SPIN1: variants seen among roughly 807,000 people sequenced by gnomAD.
The protein encoded by SPIN1 is spindlin-1.
Under a neutral mutation model 26.0 loss-of-function variants are expected in SPIN1, and 3 were observed. The ratio of observed to expected loss-of-function variants is 0.12; its 90% confidence interval spans 0.05 to 0.30. The LOEUF (loss-of-function observed/expected upper bound fraction) is 0.30, where lower values mean the gene tolerates loss of function less well. Ranked by LOEUF, SPIN1 falls within the 10% of genes least tolerant of loss-of-function variation. The probability of loss-of-function intolerance (pLI) is 1.00; values close to 1 mark genes in which losing one functional copy is unlikely to be tolerated. For missense variants in SPIN1, 126 were observed against 333.4 expected (o/e 0.38, Z 4.84); for synonymous variants, 101 against 116.5 (o/e 0.87, Z 0.86).
intron 2 of SPIN1, among the ~76,000 whole-genome samples, chr9:88,447,301 T>A (rs1238946861): frequency 1.3e-5 from 2 of 152,268 alleles, no homozygotes; most frequent in African/African-American, 4.8e-5. Flanking sequence ...TATTTATTAA[T>A]GTTGTCAATG....
intron 2 of SPIN1, among the ~76,000 whole-genome samples, chr9:88,435,672 A>G (rs1827985404): frequency 6.6e-6 from 1 of 152,058 alleles, no homozygotes; most frequent in Non-Finnish European, 1.5e-5. Flanking sequence ...TATTACTTGC[A>G]TAAGGTTTTT....
intron 3 of SPIN1, among the ~76,000 whole-genome samples, chr9:88,450,215 C>T (rs995229836): frequency 6.6e-6 from 1 of 151,900 alleles, no homozygotes; most frequent in Non-Finnish European, 1.5e-5. Flanking sequence ...TGTGTCTTGC[C>T]ACAAATAAAA....
intron 2 of SPIN1, among the ~76,000 whole-genome samples, chr9:88,430,734 T>G (rs1827851421): frequency 6.6e-6 from 1 of 152,244 alleles, no homozygotes; most frequent in African/African-American, 2.4e-5. Context: ...AACTGGTTGC[T>G]AAGTAGCAGT....
At position 88,478,648 on chromosome 9, in the gene SPIN1, ACT is replaced by A. The variant is rs1260611830; in HGVS notation, c.*3374_*3375del. On this transcript the variant is annotated 3_prime_UTR_variant, in exon 6 of 6. Coordinates refer to ENST00000375859, the MANE Select transcript of SPIN1 (RefSeq NM_006717.3). ...AAGTAATTTTTATAATTATGATGTA[ACT>A]CTATCTTATCCTTAAAACATTTAAA... The A allele has an allele frequency of 6.6e-6, 1 of 152,166 alleles. No homozygotes were observed. Among genetic ancestry groups the A allele is most frequent in the African/African-American group, 2.4e-5 (1 of 41,436 alleles). The allele number at this position is 152,166 out of a possible 1,614,324, so 9.4% of individuals were successfully genotyped here. A position where few individuals can be genotyped will look rare whatever the true frequency, so the allele number is the denominator to read the frequency against.
At chr9:88,454,940 G>A (rs1828440481) in intron 3 of SPIN1, among the ~76,000 whole-genome samples, 2 of 152,250 alleles carry the variant, frequency 1.3e-5, no homozygotes, top group South Asian at 2.1e-4. Flanking sequence ...GAAAATTACC[G>A]TTGTTTCCTT....
At chr9:88,453,715 G>A (rs1430833156) in intron 3 of SPIN1, among the ~76,000 whole-genome samples, 6 of 152,044 alleles carry the variant, frequency 3.9e-5, no homozygotes, top group Admixed American at 2.6e-4. Flanking sequence ...TGGTAGAGAC[G>A]GGGTTTCTCC....
At chr9:88,469,330 C>CA (rs1452384096) in intron 5 of SPIN1, among the ~76,000 whole-genome samples, 1 of 152,172 alleles carries the variant, frequency 6.6e-6, no homozygotes, top group Non-Finnish European at 1.5e-5. Flanking sequence ...GTGTCTGGGA[C>CA]TCCTGATTTA....
chr9:88,400,295 G>A (rs367982611), intron 1 of SPIN1, among the ~76,000 whole-genome samples: 5 of 152,186 alleles, frequency 3.3e-5, no homozygotes, highest in South Asian at 4.1e-4. Context: ...GAGCCTGGAG[G>A]AGTATTTGAT....
intron 1 of SPIN1, chr9:88,391,663 T>C (rs1169058969): frequency 6.6e-6 from 1 of 152,178 alleles, no homozygotes; most frequent in Non-Finnish European, 1.5e-5. Context: ...ATGAATCTTC[T>C]GGTAGAAGGG....
intron 2 of SPIN1, among the ~76,000 whole-genome samples, chr9:88,444,882 G>T (rs940811271): frequency 6.6e-6 from 1 of 151,398 alleles, no homozygotes; most frequent in Non-Finnish European, 1.5e-5. Context: ...TAGTAGAGAC[G>T]GGGTTTCACT....
chr9:88,433,912 T>C (rs77603031), intron 2 of SPIN1, among the ~76,000 whole-genome samples: 7 of 152,198 alleles, frequency 4.6e-5, no homozygotes, highest in Non-Finnish European at 7.4e-5. Context: ...TTTTTTTTTT[T>C]CTCATCAACG....
intron 1 of SPIN1, among the ~76,000 whole-genome samples, chr9:88,390,208 G>A (rs771417260): frequency 5.9e-5 from 9 of 152,156 alleles, no homozygotes; most frequent in Non-Finnish European, 1.3e-4. Context: ...AGGAAACAGT[G>A]AAAATGGATG....
intron 1 of SPIN1, among the ~76,000 whole-genome samples, chr9:88,394,848 C>A (rs1242754102): frequency 1.5e-5 from 2 of 135,122 alleles, no homozygotes; most frequent in Non-Finnish European, 1.5e-5. Context: ...CTCGCTCTGT[C>A]GCCCAGGCTG....
intron 3 of SPIN1, among the ~76,000 whole-genome samples, chr9:88,455,606 T>G (rs1204141491): frequency 3.3e-5 from 5 of 152,184 alleles, no homozygotes; most frequent in African/African-American, 9.7e-5. Context: ...TTTAAAAAAC[T>G]TTTTCCTACG....
At chr9:88,470,600 C>A (rs1334808990) in intron 5 of SPIN1, among the ~76,000 whole-genome samples, 1 of 129,930 alleles carries the variant, frequency 7.7e-6, no homozygotes, top group African/African-American at 4.6e-5. Context: ...TGGCCCCCCC[C>A]CTTTTTTTTT....
chr9:88,449,561 T>C (rs560007564), intron 3 of SPIN1, among the ~76,000 whole-genome samples: 3 of 152,254 alleles, frequency 2.0e-5, no homozygotes, highest in South Asian at 4.1e-4. Flanking sequence ...GATACCAGCT[T>C]ACAGAAGCCA....
At position 88,390,245 on chromosome 9, in the gene SPIN1, A is replaced by G. The variant is rs1320203686; in HGVS notation, c.-159+1707A>G. On this transcript the variant is annotated intron_variant, in intron 1 of 5. Coordinates refer to ENST00000375859, the MANE Select transcript of SPIN1 (RefSeq NM_006717.3). Reference sequence around the variant, plus strand: ...TCCCTGGAACAGCCATTGCGATGCCATATGTTGGTCATTGGTGTCCTTAAA... The same window carrying G: ...TCCCTGGAACAGCCATTGCGATGCCGTATGTTGGTCATTGGTGTCCTTAAA... Among the ~76,000 whole-genome samples, 5 of 152,168 alleles carry G rather than the reference A, an allele frequency of 3.3e-5. No individual in the cohort carries two copies. The South Asian group carries it at 6.2e-4, about 19-fold the overall frequency.
chr9:88,462,571 G>A lies in SPIN1; in HGVS notation c.177G>A (p.Gln59=). The A allele has an allele frequency of 6.2e-7, 1 of 1,614,172 alleles. No homozygotes were observed. The highest frequency in any genetic ancestry group is 8.5e-7 in the Non-Finnish European group (1 of 1,180,020). Residue 59 remains glutamine, a synonymous_variant, in exon 4 of 6, where the codon CAG becomes CAA. Coordinates refer to ENST00000375859, the MANE Select transcript of SPIN1 (RefSeq NM_006717.3). The part of the protein sequence containing the change: ...PRRNIVGCRI[Q]HGWKEGNGPV... ...GGAACATCGTAGGCTGCAGGATTCA[G>A]CATGGGTGGAAAGAGGGGAATGGCC...
intron 2 of SPIN1, among the ~76,000 whole-genome samples, chr9:88,430,793 A>G (rs1201552902): frequency 6.6e-6 from 1 of 151,982 alleles, no homozygotes; most frequent in Non-Finnish European, 1.5e-5. Flanking sequence ...TATATGGTAA[A>G]ATTTTTTTTC....
Sources: gnomAD v4.1 joint callset for allele counts (sites outside exome capture counted in the v4.1 genomes callset) on GRCh38, gnomAD v4.1.1 for gene constraint, MANE v1.5 for transcripts, NCBI Gene and HGNC (gene_info 2026-07-23, HGNC 2026-07-21) for gene names.